The following PALM2AKAP2 variants were observed in gnomAD, a reference collection of about 807,000 sequenced individuals.
PALM2AKAP2 encodes the protein PALM2-AKAP2 fusion protein.
In PALM2AKAP2, 37 loss-of-function variants were observed where a neutral mutation model predicts 71.5. The ratio of observed to expected loss-of-function variants is 0.52; its 90% CI spans 0.40 to 0.68. The LOEUF is 0.68. Among genes scored for constraint, PALM2AKAP2 ranks in the 30% least tolerant of loss-of-function variants. The pLI is 0.00. For synonymous variants in PALM2AKAP2, 468 were observed against 478.8 expected, an observed-to-expected ratio of 0.98 and a Z score of 0.29; for missense variants, 1,224 against 1,191.8, an observed-to-expected ratio of 1.03 and a Z score of -0.40.
chr9:109,711,511 T>TA (rs1268841313), intron 1 of PALM2AKAP2, among the ~76,000 whole-genome samples: 3 of 152,246 alleles, frequency 2.0e-5, no homozygotes, highest in African/African-American at 7.2e-5. Flanking sequence ...AGTATTTATT[T>TA]AAAAAACTAC....
chr9:109,872,821 G>A (rs892697005), intron 2 of PALM2AKAP2, among the ~76,000 whole-genome samples: 1 of 152,156 alleles, frequency 6.6e-6, no homozygotes, highest in African/African-American at 2.4e-5. Context: ...TTGTTACTGG[G>A]ATGTGTGAAA....
chr9:109,809,308 G>A (rs1427752489), intron 1 of PALM2AKAP2, among the ~76,000 whole-genome samples: 2 of 152,224 alleles, frequency 1.3e-5, no homozygotes. Flanking sequence ...GAGCAGAGCT[G>A]CCCAAGGCCA....
At chr9:109,774,882 C>T (rs1829327019) in intron 1 of PALM2AKAP2, among the ~76,000 whole-genome samples, 1 of 152,170 alleles carries the variant, frequency 6.6e-6, no homozygotes, top group Admixed American at 6.5e-5. Flanking sequence ...CTTCAGAGTT[C>T]CTGTCTTTTC....
intron 3 of PALM2AKAP2, among the ~76,000 whole-genome samples, chr9:109,894,328 G>A (rs969351059): frequency 3.3e-5 from 5 of 152,214 alleles, no homozygotes. Flanking sequence ...AACAGAGCGA[G>A]ACTCCATCTC....
chr9:110,068,885 A>T (rs1227522930), intron 1 of PALM2AKAP2, among the ~76,000 whole-genome samples: 1 of 152,204 alleles, frequency 6.6e-6, no homozygotes, highest in East Asian at 1.9e-4. Flanking sequence ...CCTCTGGGTT[A>T]ACAAGGTGCC....
At chr9:109,887,692 C>G (rs1829998064) in intron 3 of PALM2AKAP2, among the ~76,000 whole-genome samples, 2 of 151,614 alleles carry the variant, frequency 1.3e-5, no homozygotes, top group African/African-American at 2.4e-5. Flanking sequence ...GCTGCCCCCC[C>G]CTAAAAAAAT....
At chr9:109,794,086 C>CAGTAAGCAATCACT (rs1490419022) in intron 1 of PALM2AKAP2, among the ~76,000 whole-genome samples, 1 of 152,214 alleles carries the variant, frequency 6.6e-6, no homozygotes, top group Non-Finnish European at 1.5e-5. Flanking sequence ...ACTATTGCCT[C>CAGTAAGCAATCACT]ATTGCTTACA....
intron 6 of PALM2AKAP2, chr9:109,946,446 G>A (rs1296091372): frequency 6.6e-6 from 1 of 152,052 alleles, no homozygotes; most frequent in Non-Finnish European, 1.5e-5. Context: ...TCGGCACTTT[G>A]GAAGTCCGCG....
At chr9:109,969,829 G>T (rs1212713878) in intron 6 of PALM2AKAP2, among the ~76,000 whole-genome samples, 1 of 137,138 alleles carries the variant, frequency 7.3e-6, no homozygotes, top group Non-Finnish European at 1.5e-5. Context: ...CCCCTCTACT[G>T]CTTCTGGGAG....
intron 1 of PALM2AKAP2, among the ~76,000 whole-genome samples, chr9:110,115,507 G>T (rs902065403): frequency 6.6e-6 from 1 of 152,154 alleles, no homozygotes; most frequent in Non-Finnish European, 1.5e-5. Context: ...AGTGTCCCCA[G>T]TGCCTGTCCT....
At chr9:109,671,237 G>T (rs572396250) in intron 1 of PALM2AKAP2, among the ~76,000 whole-genome samples, 1 of 152,036 alleles carries the variant, frequency 6.6e-6, no homozygotes, top group Non-Finnish European at 1.5e-5. Flanking sequence ...TTATAGCTTT[G>T]GGTTTTACAT....
chr9:110,148,166 A>G (rs1033295134), intron 2 of PALM2AKAP2, among the ~76,000 whole-genome samples: 2 of 152,130 alleles, frequency 1.3e-5, no homozygotes, highest in Non-Finnish European at 2.9e-5. Context: ...CATAATTTTC[A>G]TTCTTACTGT....
intron 1 of PALM2AKAP2, among the ~76,000 whole-genome samples, chr9:110,058,898 G>GTTTTTTTTTTTTTTTT (rs202140304): frequency 8.9e-6 from 1 of 111,736 alleles, no homozygotes. Flanking sequence ...AAGTTTTTTG[G>GTTTTTTTTTTTTTTTT]TTTTTTTTTT....
chr9:109,878,214 C>T (rs1228136396), intron 2 of PALM2AKAP2, among the ~76,000 whole-genome samples: 3 of 152,186 alleles, frequency 2.0e-5, no homozygotes, highest in South Asian at 4.1e-4. Flanking sequence ...TACTATCATA[C>T]GATGCCCTAT....
At chr9:109,820,453 C>G (rs1180050352) in intron 1 of PALM2AKAP2, among the ~76,000 whole-genome samples, 1 of 152,238 alleles carries the variant, frequency 6.6e-6, no homozygotes, top group Non-Finnish European at 1.5e-5. Context: ...GGTTCAGTCT[C>G]AGCCCCATTC....
chr9:110,053,335 G>A (rs758725721), intron 1 of PALM2AKAP2, among the ~76,000 whole-genome samples: 2 of 152,022 alleles, frequency 1.3e-5, no homozygotes, highest in Admixed American at 6.6e-5. Flanking sequence ...AGACCAGCCT[G>A]GCCAACATGG....
intron 1 of PALM2AKAP2, among the ~76,000 whole-genome samples, chr9:110,125,006 A>G (rs1480277662): frequency 1.3e-5 from 2 of 152,164 alleles, no homozygotes; most frequent in African/African-American, 4.8e-5. Flanking sequence ...GGGGTAATGA[A>G]TATTTTTTAT....
At chr9:110,088,463 A>T (rs149335388) in intron 1 of PALM2AKAP2, among the ~76,000 whole-genome samples, 5 of 152,144 alleles carry the variant, frequency 3.3e-5, no homozygotes, top group Non-Finnish European at 5.9e-5. Context: ...CATAATTTCA[A>T]TTTTTCATCT....
At chr9:110,162,250 A>C (rs767443658) in intron 3 of PALM2AKAP2, 118 bp downstream of exon 10, 27 of 1,474,932 alleles carry the variant, frequency 1.8e-5, no homozygotes, top group Non-Finnish European at 2.5e-5. Context: ...ACTTGTCTCC[A>C]TATGTATTTT....
Sources: allele counts gnomAD v4.1 joint callset (sites outside exome capture counted in the v4.1 genomes callset), GRCh38; gene constraint gnomAD v4.1.1; transcripts MANE v1.5; gene names NCBI Gene and HGNC (gene_info 2026-07-23, HGNC 2026-07-21).